GRM7: variants seen among roughly 807,000 people sequenced by gnomAD.
GRM7 encodes metabotropic glutamate receptor 7.
Under a neutral mutation model 84.5 loss-of-function variants are expected in GRM7, and 35 were observed. That is an observed-to-expected ratio of 0.41 (90% CI 0.32 to 0.55). GRM7 has a LOEUF of 0.55. Ranked by LOEUF, GRM7 falls within the 20% of genes least tolerant of loss-of-function variation. The probability of loss-of-function intolerance (pLI) is 0.19; values close to 1 mark genes in which losing one functional copy is unlikely to be tolerated. For synonymous variants in GRM7, 487 were observed against 455.1 expected (o/e 1.07, Z -0.89); for missense variants, 1,003 against 1,194.6 (o/e 0.84, Z 2.36).
chr3:7,533,816 T>G (rs1701134510), intron 7 of GRM7, among the ~76,000 whole-genome samples: 1 of 152,116 alleles, frequency 6.6e-6, no homozygotes, highest in Non-Finnish European at 1.5e-5. Context: ...CTTTCCCTAA[T>G]TCAAAAGGGT....
chr3:7,523,131 G>A (rs963610391), intron 7 of GRM7, among the ~76,000 whole-genome samples: 5 of 152,030 alleles, frequency 3.3e-5, no homozygotes, highest in South Asian at 2.1e-4. Flanking sequence ...TACAGCAGGC[G>A]GAGCTAACAG....
intron 2 of GRM7, among the ~76,000 whole-genome samples, chr3:7,200,906 A>G (rs1048603336): frequency 6.7e-6 from 1 of 150,178 alleles, no homozygotes; most frequent in Non-Finnish European, 1.5e-5. Flanking sequence ...GGTGGTTCTT[A>G]TATCAGTGGC....
chr3:7,335,389 C>T (rs1701377403), intron 4 of GRM7, among the ~76,000 whole-genome samples: 1 of 151,896 alleles, frequency 6.6e-6, no homozygotes, highest in Non-Finnish European at 1.5e-5. Context: ...CCTATCAAAA[C>T]CTCTGGGATA....
chr3:7,263,667 G>T (rs1698523829), intron 2 of GRM7, among the ~76,000 whole-genome samples: 1 of 152,168 alleles, frequency 6.6e-6, no homozygotes, highest in African/African-American at 2.4e-5. Flanking sequence ...GGTGGTAGTG[G>T]CTACTCAGAG....
rs768070358 is a variant in GRM7, at chr3:7,680,217, T to C, written c.2620T>C (p.Ser874Pro). 6.2e-7 allele frequency: 1 copy of C among 1,614,162 alleles called. No individual in the cohort carries two copies. The highest frequency in any genetic ancestry group is 1.7e-5 in the Admixed American group (1 of 60,024). ...KAVVTAATMS[S>P]RLSHKPSDRP... Reference sequence around the variant, plus strand: ...GGTAGTCACAGCAGCCACCATGTCATCGAGGCTGTCACACAAACCCAGTGA... The same window carrying C: ...GGTAGTCACAGCAGCCACCATGTCACCGAGGCTGTCACACAAACCCAGTGA... Residue 874 changes from serine (S) to proline (P), a missense_variant, in exon 9 of 10, where the codon TCG (serine) becomes CCG (proline). Around this residue, in one of 2 missense-constraint regions of GRM7, gnomAD observed 910 missense variants for 1,126.0 expected, o/e 0.81. Transcript: ENST00000357716.
chr3:7,649,811 G>T (rs1698842078), intron 8 of GRM7, among the ~76,000 whole-genome samples: 1 of 110,464 alleles, frequency 9.1e-6, no homozygotes. Context: ...TATTTCTACT[G>T]CTGGCAAAAG....
intron 1 of GRM7, among the ~76,000 whole-genome samples, chr3:7,011,029 A>G (rs1695351353): frequency 6.6e-6 from 1 of 152,178 alleles, no homozygotes. Flanking sequence ...AAGACACTAG[A>G]GTCAGAATAC....
At chr3:7,244,192 T>A (rs1178158690) in intron 2 of GRM7, among the ~76,000 whole-genome samples, 1 of 152,124 alleles carries the variant, frequency 6.6e-6, no homozygotes, top group Non-Finnish European at 1.5e-5. Context: ...TTTTATAAAC[T>A]TTTAACTCTT....
At chr3:7,236,733 G>A (rs1316572360) in intron 2 of GRM7, among the ~76,000 whole-genome samples, 1 of 152,148 alleles carries the variant, frequency 6.6e-6, no homozygotes, top group Non-Finnish European at 1.5e-5. Context: ...ATATGTGAAT[G>A]ATATCTTTTC....
At position 7,167,290 on chromosome 3, in the gene GRM7, C is replaced by T. The variant is rs75257323; in HGVS notation, c.736+20622C>T. ...AATTTGGAAGCTTGCTAGTTTCTTA[C>T]GGAGCCTGTGACACAGGGCCCTCAT... On this transcript the variant is annotated intron_variant, in intron 2 of 9. Coordinates refer to ENST00000357716, the MANE Select transcript of GRM7 (RefSeq NM_000844.4). Among the ~76,000 whole-genome samples the T allele has an allele frequency of 1.9e-3, 288 of 152,294 alleles. 3 individuals carry two copies. The highest frequency in any genetic ancestry group is 6.5e-3 in the African/African-American group (271 of 41,574).
chr3:7,500,124 T>G (rs1699838661), intron 7 of GRM7, among the ~76,000 whole-genome samples: 1 of 152,206 alleles, frequency 6.6e-6, no homozygotes, highest in African/African-American at 2.4e-5. Flanking sequence ...TTATTACTTA[T>G]GAGCTATTTT....
chr3:7,069,059 T>TTA (rs58544723), intron 1 of GRM7, among the ~76,000 whole-genome samples: 18,351 of 149,242 alleles, frequency 0.12, 1,631 homozygotes, highest in African/African-American at 0.25. Flanking sequence ...ATACATAATT[T>TTA]TATATATATA....
chr3:7,389,247 A>G (rs566737111), intron 4 of GRM7, among the ~76,000 whole-genome samples: 6 of 152,214 alleles, frequency 3.9e-5, no homozygotes, highest in African/African-American at 1.4e-4. Context: ...AAGATGCTTG[A>G]TGGGATTTTG....
At chr3:7,229,708 G>A (rs1340467831) in intron 2 of GRM7, among the ~76,000 whole-genome samples, 1 of 85,516 alleles carries the variant, frequency 1.2e-5, no homozygotes, top group Non-Finnish European at 2.2e-5. Context: ...CCCCAACCCC[G>A]CTCTCCATAG....
intron 1 of GRM7, among the ~76,000 whole-genome samples, chr3:7,087,641 C>T (rs1348220263): frequency 6.6e-6 from 1 of 152,066 alleles, no homozygotes; most frequent in Non-Finnish European, 1.5e-5. Flanking sequence ...GTTCTAAAGC[C>T]TTCAGTACAG....
At chr3:7,649,682 G>A (rs1245218766) in intron 8 of GRM7, among the ~76,000 whole-genome samples, 1 of 151,964 alleles carries the variant, frequency 6.6e-6, no homozygotes, top group Non-Finnish European at 1.5e-5. Context: ...CTTTCGGCAG[G>A]GGATTTATTG....
At chr3:7,378,822 T>A (rs1694466444) in intron 4 of GRM7, among the ~76,000 whole-genome samples, 1 of 152,204 alleles carries the variant, frequency 6.6e-6, no homozygotes, top group African/African-American at 2.4e-5. Flanking sequence ...ATCTATCTTT[T>A]AAAATTTTCT....
chr3:7,515,639 C>A (rs1018267540), intron 7 of GRM7, among the ~76,000 whole-genome samples: 3 of 152,138 alleles, frequency 2.0e-5, no homozygotes, highest in Non-Finnish European at 4.4e-5. Flanking sequence ...GGGGAAATCT[C>A]ATAGCGCTAT....
At chr3:7,231,605 T>C (rs534903338) in intron 2 of GRM7, among the ~76,000 whole-genome samples, 1 of 152,316 alleles carries the variant, frequency 6.6e-6, no homozygotes, top group East Asian at 1.9e-4. Flanking sequence ...TCAAAACAGC[T>C]GGCATTTACT....
Sources: gnomAD v4.1 joint callset for allele counts (sites outside exome capture counted in the v4.1 genomes callset) on GRCh38, gnomAD v4.1.1 for gene constraint, gnomAD v4.1.1 regional missense constraint, MANE v1.5 for transcripts, NCBI Gene and HGNC (gene_info 2026-07-23, HGNC 2026-07-21) for gene names.